The following RBP5 variants were observed in gnomAD, a reference collection of about 807,000 sequenced individuals.
RBP5 encodes the protein retinol binding protein 5, also known as retinol-binding protein 5.
In RBP5, 12 loss-of-function variants were observed where a neutral mutation model predicts 17.8. The ratio of observed to expected loss-of-function variants is 0.67; its 90% confidence interval spans 0.43 to 1.09. The LOEUF (loss-of-function observed/expected upper bound fraction) is 1.09. Ranked by LOEUF, RBP5 falls within the 50% of genes least tolerant of loss-of-function variation. The pLI, the probability that RBP5 is intolerant of heterozygous loss-of-function variation, is 0.00. For synonymous variants in RBP5, 64 were observed against 68.1 expected (o/e 0.94, Z 0.30); for missense variants, 172 against 169.4 (o/e 1.02, Z -0.09).
At chr12:7,116,219 T>G (rs1314216569) in exon 4 of RBP5, 3 of 152,206 alleles carry the variant, frequency 2.0e-5, no homozygotes, top group Non-Finnish European at 4.4e-5. Flanking sequence ...ACTGTGGTGG[T>G]CCTGGGAGAG....
chr12:7,124,828 A>G lies in RBP5; in HGVS notation c.253-98T>C, dbSNP rs1939134750. On this transcript the variant is annotated intron_variant, in intron 2 of 3. Coordinates refer to ENST00000266560, the MANE Select transcript of RBP5 (RefSeq NM_031491.4). This position sits in a 1 kb window ranked among gnomAD's most constrained non-coding sequence, Gnocchi z 5.3. ...TGGGCTCCCCCTTTTACTCCACAGCAGATACTGTCTGCTGCAGCCCCTCCA... is the reference window on the plus strand; with the variant it reads ...TGGGCTCCCCCTTTTACTCCACAGCGGATACTGTCTGCTGCAGCCCCTCCA... 3 of 722,022 alleles carry G rather than the reference A, an allele frequency of 4.2e-6. No homozygotes were observed. Among genetic ancestry groups the G allele is most frequent in the Admixed American group, 1.9e-5 (1 of 52,440 alleles). The allele number at this position is 722,022 out of a possible 1,614,324, so 44.7% of individuals were successfully genotyped here. A position where few individuals can be genotyped will look rare whatever the true frequency, so the allele number is the denominator to read the frequency against.
Position 7,117,524 on chromosome 12 carries a change from C to G in RBP5, n.890-217G>C, listed in dbSNP as rs1035795347. On this transcript the variant is annotated intron_variant and non_coding_transcript_variant, in intron 3 of 3. Coordinates refer to the RBP5 transcript ENST00000619522. The surrounding 1 kb of genome is among the most constrained non-coding windows in gnomAD (Gnocchi z 4.9). ...CCTTTGGGGGCTCTGACCCTCTCCT[C>G]CTCCACCTTGAGATCTGTAGAGGCC... 6.6e-6 allele frequency: 1 copy of G among 152,180 alleles called. No individual in the cohort carries two copies. Among genetic ancestry groups the G allele is most frequent in the Admixed American group, 6.5e-5 (1 of 15,284 alleles). 9.4% of individuals were successfully genotyped at this position (152,180 alleles called of 1,614,324 possible).
chr12:7,127,373 G>A (rs1372416403), intron 2 of RBP5: 5 of 302,804 alleles, frequency 1.7e-5, no homozygotes, highest in Non-Finnish European at 2.5e-5. Context: ...CAAGTGATCT[G>A]CCTGCCTCAG....
At position 7,128,334 on chromosome 12, in the gene RBP5, C is replaced by T; in HGVS notation, c.158G>A (p.Arg53Lys). The T allele has an allele frequency of 6.2e-7, 1 of 1,614,038 alleles. No homozygotes were observed. The highest frequency in any genetic ancestry group is 8.5e-7 in the Non-Finnish European group (1 of 1,179,982). ...GTAGTTTCGGAAGGTGCTGAGCGTCCTCACCGTCATGTGGTTGCCCTGGTG... is the reference window on the plus strand; with the variant it reads ...GTAGTTTCGGAAGGTGCTGAGCGTCTTCACCGTCATGTGGTTGCCCTGGTG... Reference protein sequence around the residue: ...IEHQGNHMTVRTLSTFRNYTV... With the variant: ...IEHQGNHMTVKTLSTFRNYTV... Residue 53 changes from arginine to lysine, a missense_variant, in exon 2 of 4, where the codon AGG becomes AAG. Arg to Lys is a conservative substitution (Grantham distance 26). Transcript: ENST00000266560. The surrounding 1 kb of genome is among the most constrained non-coding windows in gnomAD (Gnocchi z 5.3).
rs1939116143 is a variant in RBP5, at chr12:7,123,884, G to A, written c.*237C>T. On this transcript the variant is annotated 3_prime_UTR_variant, in exon 4 of 4. Transcript: ENST00000266560. ...CCCTTTGCCTGCTTCTTTCATTTGG[G>A]ACGCCAGACCTTGACCTGGAAGTGA... The A allele has an allele frequency of 2.0e-6, 1 of 493,662 alleles. No homozygotes were observed. The highest frequency in any genetic ancestry group is 1.9e-5 in the African/African-American group (1 of 52,168). 30.6% of individuals were successfully genotyped at this position (493,662 alleles called of 1,614,324 possible).
chr12:7,124,035 G>T lies in RBP5; in HGVS notation c.*86C>A. The stretch of plus-strand genomic sequence containing the variant: ...AAGGTGGCCAGAGGAAGGGACAGCT[G>T]ACCTGGCACAATCTGGGCTTGAAGG... On this transcript the variant is annotated 3_prime_UTR_variant, in exon 4 of 4. Coordinates refer to ENST00000266560, the MANE Select transcript of RBP5 (RefSeq NM_031491.4). This position sits in a 1 kb window ranked among gnomAD's most constrained non-coding sequence, Gnocchi z 5.3. 1 of 1,316,544 alleles carries T rather than the reference G, an allele frequency of 7.6e-7. No individual in the cohort carries two copies. The highest frequency in any genetic ancestry group is 1.1e-6 in the Non-Finnish European group (1 of 909,352). The allele number at this position is 1,316,544 out of a possible 1,614,324, so 81.6% of individuals were successfully genotyped here.
chr12:7,129,008 G>A (rs1939229070), upstream of RBP5: 1 of 494,240 alleles, frequency 2.0e-6, no homozygotes, highest in South Asian at 2.1e-5. This position sits in a 1 kb window ranked among gnomAD's most constrained non-coding sequence, Gnocchi z 5.5. Context: ...CAGCCTGAAG[G>A]AGGGGCAGGG....
chr12:7,128,261 G>C lies in RBP5; in HGVS notation c.231C>G (p.Ser77Arg). 1 of 1,613,292 alleles carries C rather than the reference G, an allele frequency of 6.2e-7. No individual in the cohort carries two copies. The highest frequency in any genetic ancestry group is 1.3e-5 in the African/African-American group (1 of 74,998). The part of the protein sequence containing the change: ...VGVEFEEDLR[S>R]VDGRKCQTIV... ...GTACCTGGCATTTTCGTCCGTCCACGCTCCTGAGGTCCTCCTCAAACTCCA... is the reference window on the plus strand; with the variant it reads ...GTACCTGGCATTTTCGTCCGTCCACCCTCCTGAGGTCCTCCTCAAACTCCA... Residue 77 changes from serine (S) to arginine (R), a missense_variant, in exon 2 of 4, where the codon AGC becomes AGG. Transcript: ENST00000266560. The surrounding 1 kb of genome is among the most constrained non-coding windows in gnomAD (Gnocchi z 5.3).
chr12:7,124,189 G>A lies in RBP5; in HGVS notation c.355-15C>T, dbSNP rs1482628549. On this transcript the variant is annotated splice_polypyrimidine_tract_variant and intron_variant, in intron 3 of 3. Coordinates refer to ENST00000266560, the MANE Select transcript of RBP5 (RefSeq NM_031491.4). The surrounding 1 kb of genome is among the most constrained non-coding windows in gnomAD (Gnocchi z 5.3). ...GCAGTCAGTTCCTGGGGAGAGAGGG[G>A]AAGTGAGGGGGAGAGAGAAAGAGGG... 1 of 1,613,696 alleles carries A rather than the reference G, an allele frequency of 6.2e-7. No homozygotes were observed. Among genetic ancestry groups the A allele is most frequent in the African/African-American group, 1.3e-5 (1 of 74,912 alleles).
Position 7,126,926 on chromosome 12 carries a change from C to T in RBP5, c.252+1314G>A, listed in dbSNP as rs1016290353. On this transcript the variant is annotated intron_variant, in intron 2 of 3. Coordinates refer to ENST00000266560, the MANE Select transcript of RBP5 (RefSeq NM_031491.4). ...GTTCAAGTAATTCTCCTGCCTCAGCCTCCCAAGTAGCTGGGATTACAGGCA... is the reference window on the plus strand; with the variant it reads ...GTTCAAGTAATTCTCCTGCCTCAGCTTCCCAAGTAGCTGGGATTACAGGCA... Among the ~76,000 whole-genome samples, 23 of 152,052 alleles carry T rather than the reference C, an allele frequency of 1.5e-4. 1 individual carries two copies. The highest frequency in any genetic ancestry group is 2.9e-5 in the Non-Finnish European group (2 of 67,998).
chr12:7,117,324 C>T lies in RBP5; in HGVS notation n.890-17G>A, dbSNP rs946522213. The T allele has an allele frequency of 1.3e-5, 2 of 152,164 alleles. No homozygotes were observed. The highest frequency in any genetic ancestry group is 2.9e-5 in the Non-Finnish European group (2 of 68,032). The allele number at this position is 152,164 out of a possible 1,614,324, so 9.4% of individuals were successfully genotyped here. A position where few individuals can be genotyped will look rare whatever the true frequency, so the allele number is the denominator to read the frequency against. ...ACAGACAACCCGATGTGGAAGGAGACATCACAAGGACAGGAATACTGGGAA... is the reference window on the plus strand; with the variant it reads ...ACAGACAACCCGATGTGGAAGGAGATATCACAAGGACAGGAATACTGGGAA... On this transcript the variant is annotated splice_polypyrimidine_tract_variant and intron_variant and non_coding_transcript_variant, in intron 3 of 3. Coordinates refer to the RBP5 transcript ENST00000619522. This position sits in a 1 kb window ranked among gnomAD's most constrained non-coding sequence, Gnocchi z 4.9.
downstream of RBP5, chr12:7,120,690 G>C (rs1219396710): frequency 6.5e-6 from 1 of 154,998 alleles, no homozygotes; most frequent in African/African-American, 2.4e-5. Context: ...ACCAGGGAGA[G>C]GGAGCCGGGG....
In RBP5 at chr12:7,128,574, T is replaced by C; in HGVS notation, c.73+129A>G. ...CCTGGTTAGAAATGGATCCCAGGTC[T>C]GGTGCCAGCCGCCTGAGCCTTTCCA... is the stretch of plus-strand genomic sequence containing the variant. On this transcript the variant is annotated intron_variant, in intron 1 of 3. Coordinates refer to ENST00000266560, the MANE Select transcript of RBP5 (RefSeq NM_031491.4). The surrounding 1 kb of genome is among the most constrained non-coding windows in gnomAD (Gnocchi z 5.3). The C allele has an allele frequency of 8.4e-7, 1 of 1,184,336 alleles. No homozygotes were observed. 73.4% of individuals were successfully genotyped at this position (1,184,336 alleles called of 1,614,324 possible). A position where few individuals can be genotyped will look rare whatever the true frequency, so the allele number is the denominator to read the frequency against.
Position 7,124,744 on chromosome 12 carries a change from AG to A in RBP5, c.253-15del, listed in dbSNP as rs931471879. 15 of 1,502,330 alleles carry A rather than the reference AG, an allele frequency of 1.0e-5. No homozygotes were observed. Among genetic ancestry groups the A allele is most frequent in the Non-Finnish European group, 1.4e-5 (15 of 1,078,750 alleles). 93.1% of individuals were successfully genotyped at this position (1,502,330 alleles called of 1,614,324 possible). A position where few individuals can be genotyped will look rare whatever the true frequency, so the allele number is the denominator to read the frequency against. On this transcript the variant is annotated splice_polypyrimidine_tract_variant and intron_variant, in intron 2 of 3. Transcript: ENST00000266560. This position sits in a 1 kb window ranked among gnomAD's most constrained non-coding sequence, Gnocchi z 5.3. ...GGTTACTATGGTCTATAGGGGAAAG[AG>A]GGAGTAAAGAAAGATTAGGAGGCAG...
chr12:7,121,341 G>A (rs1939079459), downstream of RBP5, among the ~76,000 whole-genome samples: 1 of 152,176 alleles, frequency 6.6e-6, no homozygotes, highest in South Asian at 2.1e-4. Context: ...TGGCCTCTAG[G>A]AGTTCTCTGC....
intron 3 of RBP5, chr12:7,118,113 C>T (rs1300931267): frequency 6.6e-6 from 1 of 152,216 alleles, no homozygotes; most frequent in Admixed American, 6.5e-5. Flanking sequence ...CCTTGTCCCA[C>T]CTGTGCTTCT....
downstream of RBP5, chr12:7,120,612 C>T (rs1939067833): frequency 6.4e-6 from 1 of 155,364 alleles, no homozygotes; most frequent in Admixed American, 6.5e-5. Context: ...GGACACAGCC[C>T]CAGGATGTGC....
chr12:7,124,395 G>T lies in RBP5; in HGVS notation c.355-221C>A, dbSNP rs1390996430. On this transcript the variant is annotated intron_variant, in intron 3 of 3. Transcript: ENST00000266560. This position sits in a 1 kb window ranked among gnomAD's most constrained non-coding sequence, Gnocchi z 5.3. ...TGTGAGTGGCTGAAGCCTCCATCTC[G>T]CCAGTGATGATTTATGGGCATTCAT... 6.6e-6 allele frequency among the ~76,000 whole-genome samples: 1 copy of T among 152,134 alleles called. No homozygotes were observed. Among genetic ancestry groups the T allele is most frequent in the Non-Finnish European group, 1.5e-5 (1 of 68,020 alleles).
At chr12:7,116,785 T>G (rs897151063) in exon 4 of RBP5, 1 of 152,210 alleles carries the variant, frequency 6.6e-6, no homozygotes, top group Admixed American at 6.5e-5. Context: ...AGTCATCTAC[T>G]GCCCCCACCC....
Sources: allele counts gnomAD v4.1 joint callset (sites outside exome capture counted in the v4.1 genomes callset), GRCh38; gene constraint gnomAD v4.1.1; non-coding constraint Gnocchi (gnomAD v3.1); transcripts MANE v1.5; gene names NCBI Gene and HGNC (gene_info 2026-07-23, HGNC 2026-07-21).